Variants in ARHGAP32 observed in about 807,000 individuals in gnomAD.
ARHGAP32 encodes Rho GTPase activating protein 32, also known as rho GTPase-activating protein 32.
ARHGAP32 carries 51 observed loss-of-function variants against 186.5 expected under a neutral mutation model. The ratio of observed to expected loss-of-function variants is 0.27; its 90% confidence interval spans 0.22 to 0.35. The LOEUF (loss-of-function observed/expected upper bound fraction) is 0.35. ARHGAP32 is among the 10% of genes least tolerant of loss of function. ARHGAP32 has a pLI of 1.00. For synonymous variants in ARHGAP32, 950 were observed against 964.3 expected, an observed-to-expected ratio of 0.99 and a Z score of 0.27; for missense variants, 2,186 against 2,623.5, an observed-to-expected ratio of 0.83 and a Z score of 3.64.
At chr11:129,017,891 G>A (rs1718027282) in intron 11 of ARHGAP32, among the ~76,000 whole-genome samples, 1 of 152,012 alleles carries the variant, frequency 6.6e-6, no homozygotes, top group Non-Finnish European at 1.5e-5. Context: ...ATATATAAAA[G>A]GAACAAGTGT....
At chr11:129,102,542 G>A (rs1259670534) in intron 5 of ARHGAP32, among the ~76,000 whole-genome samples, 1 of 152,106 alleles carries the variant, frequency 6.6e-6, no homozygotes, top group African/African-American at 2.4e-5. Flanking sequence ...ATTTAAAAAT[G>A]GGCAAAGTAC....
intron 1 of ARHGAP32, among the ~76,000 whole-genome samples, chr11:129,180,711 G>A (rs1347774460): frequency 6.6e-6 from 1 of 152,024 alleles, no homozygotes. Flanking sequence ...AAAAGCTGTA[G>A]TTAAGGGCTG....
At chr11:129,045,238 G>A (rs1288568191) in intron 10 of ARHGAP32, among the ~76,000 whole-genome samples, 1 of 152,148 alleles carries the variant, frequency 6.6e-6, no homozygotes, top group African/African-American at 2.4e-5. Flanking sequence ...CTCCTCCTCT[G>A]TGCCGTGAGC....
At chr11:129,275,553 A>G (rs982324239) in intron 1 of ARHGAP32, among the ~76,000 whole-genome samples, 4 of 152,224 alleles carry the variant, frequency 2.6e-5, no homozygotes, top group African/African-American at 9.6e-5. Flanking sequence ...ACATATGCTA[A>G]TTAAAGTAAA....
intron 2 of ARHGAP32, among the ~76,000 whole-genome samples, chr11:129,152,964 T>A (rs1244661883): frequency 6.6e-6 from 1 of 152,132 alleles, no homozygotes; most frequent in Non-Finnish European, 1.5e-5. Flanking sequence ...TTGCTGATGA[T>A]ATGATCATAT....
At chr11:129,004,256 T>C (rs944865894) in intron 11 of ARHGAP32, among the ~76,000 whole-genome samples, 3 of 150,238 alleles carry the variant, frequency 2.0e-5, no homozygotes, top group African/African-American at 7.3e-5. Flanking sequence ...TTTTTTTTTT[T>C]TTTTTTTTTG....
chr11:129,238,514 A>G (rs1944966885), intron 1 of ARHGAP32, among the ~76,000 whole-genome samples: 1 of 152,200 alleles, frequency 6.6e-6, no homozygotes, highest in Non-Finnish European at 1.5e-5. Context: ...AATGTCAGTA[A>G]CAGGTGCTCT....
chr11:129,025,546 A>G (rs1439087936), intron 11 of ARHGAP32, among the ~76,000 whole-genome samples: 1 of 152,196 alleles, frequency 6.6e-6, no homozygotes, highest in Admixed American at 6.5e-5. Flanking sequence ...TGGAGAAGGC[A>G]AAGCCACTCT....
At chr11:129,244,555 A>G (rs961408145) in intron 1 of ARHGAP32, among the ~76,000 whole-genome samples, 7 of 152,308 alleles carry the variant, frequency 4.6e-5, no homozygotes, top group Admixed American at 3.9e-4. Context: ...TTCATGTCTA[A>G]AACACCAAAA....
chr11:128,973,577 T>C, intron 21 of ARHGAP32, 145 bp from the exon 22 acceptor site: 4 of 826,854 alleles, frequency 4.8e-6, no homozygotes, highest in Non-Finnish European at 7.5e-6. Flanking sequence ...CTATCCCACA[T>C]GCAAATGCTG....
intron 10 of ARHGAP32, among the ~76,000 whole-genome samples, chr11:129,055,989 G>A (rs560456475): frequency 1.3e-5 from 2 of 152,254 alleles, no homozygotes; most frequent in Admixed American, 6.5e-5. Context: ...TGTTTCAACA[G>A]TTGCAAGGTA....
chr11:129,033,524 G>A (rs1939199605), intron 11 of ARHGAP32, among the ~76,000 whole-genome samples: 1 of 152,106 alleles, frequency 6.6e-6, no homozygotes, highest in East Asian at 1.9e-4. Flanking sequence ...TGTCAGATAC[G>A]CATTCTGCAA....
intron 1 of ARHGAP32, among the ~76,000 whole-genome samples, chr11:129,173,644 G>C (rs1943823883): frequency 6.6e-6 from 1 of 152,092 alleles, no homozygotes; most frequent in African/African-American, 2.4e-5. Context: ...CTTCATTCCT[G>C]GGATGCAAGT....
At chr11:129,246,495 T>C (rs998115246) in intron 1 of ARHGAP32, among the ~76,000 whole-genome samples, 1 of 152,150 alleles carries the variant, frequency 6.6e-6, no homozygotes, top group South Asian at 2.1e-4. Flanking sequence ...TCCCAAAGCA[T>C]GAAATAAAAT....
At position 129,153,097 on chromosome 11, in the gene ARHGAP32, C is replaced by T. The variant is rs576324738; in HGVS notation, c.225+11222G>A. ...TAGCACTGCTGTACAACAACAGCAA[C>T]GAAGCTGAGAATCAAATCAAGAACT... On this transcript the variant is annotated intron_variant, in intron 2 of 22. Coordinates refer to ENST00000682385, the MANE Select transcript of ARHGAP32 (RefSeq NM_001378024.1). Among the ~76,000 whole-genome samples, 451 of 151,234 alleles carry T rather than the reference C, an allele frequency of 3.0e-3. 1 individual carries two copies. The highest frequency in any genetic ancestry group is 0.01 in the African/African-American group (432 of 41,192).
intron 15 of ARHGAP32, among the ~76,000 whole-genome samples, chr11:128,985,084 A>G (rs1270117561): frequency 6.6e-6 from 1 of 152,118 alleles, no homozygotes; most frequent in Admixed American, 6.5e-5. Flanking sequence ...CAGTGGCATG[A>G]TCTCGGCTCA....
chr11:129,039,970 G>T (rs1226897329), intron 11 of ARHGAP32, among the ~76,000 whole-genome samples: 1 of 152,158 alleles, frequency 6.6e-6, no homozygotes, highest in African/African-American at 2.4e-5. Context: ...AAATTCCAAT[G>T]AGAGAAATGG....
chr11:128,978,314 G>T (rs1013095461), intron 19 of ARHGAP32, among the ~76,000 whole-genome samples: 8 of 151,994 alleles, frequency 5.3e-5, no homozygotes, highest in African/African-American at 1.9e-4. Flanking sequence ...TTTTTCGACA[G>T]TAATAGATTT....
intron 2 of ARHGAP32, among the ~76,000 whole-genome samples, chr11:129,156,707 A>G (rs886483450): frequency 6.6e-6 from 1 of 152,228 alleles, no homozygotes; most frequent in African/African-American, 2.4e-5. Flanking sequence ...TGGATCTCCC[A>G]GCACAGCGCT....
Sources: gnomAD v4.1 joint callset for allele counts (sites outside exome capture counted in the v4.1 genomes callset) on GRCh38, gnomAD v4.1.1 for gene constraint, MANE v1.5 for transcripts, NCBI Gene and HGNC (gene_info 2026-07-23, HGNC 2026-07-21) for gene names.